Variants in CDK5RAP2 observed in about 807,000 individuals in gnomAD.
CDK5RAP2 encodes the protein CDK5 regulatory subunit-associated protein 2.
A neutral mutation model predicts 232.9 loss-of-function variants in CDK5RAP2; 147 were observed. The observed-to-expected ratio is 0.63, with a 90% CI of 0.55 to 0.72. The LOEUF is 0.72. Among genes scored for constraint, CDK5RAP2 ranks in the 30% least tolerant of loss-of-function variants. The pLI is 0.00. For missense variants in CDK5RAP2, 2,195 were observed against 2,231.5 expected (o/e 0.98, Z 0.33); for synonymous variants, 833 against 833.7 (o/e 1.00, Z 0.01).
intron 25 of CDK5RAP2, among the ~76,000 whole-genome samples, chr9:120,432,727 G>C (rs1362370900): frequency 6.6e-6 from 1 of 152,208 alleles, no homozygotes; most frequent in Non-Finnish European, 1.5e-5. Context: ...CTCTCCTTGG[G>C]TGTGTCAAGG....
rs564619285 is a variant in CDK5RAP2, at chr9:120,407,241, C to T, written c.4734G>A (p.Ser1578=). The change falls in exon 32 of 38, where the codon TCG becomes TCA. Residue 1578 remains serine (S), a synonymous_variant. Coordinates refer to ENST00000349780, the MANE Select transcript of CDK5RAP2 (RefSeq NM_018249.6). ...DEEHRRLREA[S]GEGWKGQDPF... ...GATCCTGCCCCTTCCAGCCTTCTCC[C>T]GACGCCTCTGAGGACATGTGCAAAG... The T allele has an allele frequency of 9.3e-6, 15 of 1,611,554 alleles. No homozygotes were observed. The highest frequency in any genetic ancestry group is 2.2e-5 in the East Asian group (1 of 44,878).
rs534067429 is a variant in CDK5RAP2 at position 120,545,634 on chromosome 9, T to C, written c.383+80A>G. 33 of 1,058,956 alleles carry C rather than the reference T, an allele frequency of 3.1e-5. No individual in the cohort carries two copies. In the South Asian group the frequency reaches 3.8e-4, roughly 12 times the overall value. 65.6% of individuals were successfully genotyped at this position (1,058,956 alleles called of 1,614,324 possible). ...AGAGTCCAGATGGAAACCAACTGTC[T>C]TAGAAAAGTGTACGGCTCTATTTCA... On this transcript the variant is annotated intron_variant, in intron 5 of 37. Transcript: ENST00000349780.
chr9:120,563,020 T>C (rs1156428899), intron 3 of CDK5RAP2, among the ~76,000 whole-genome samples: 1 of 152,078 alleles, frequency 6.6e-6, no homozygotes. Context: ...GCAAGTACAC[T>C]AATAAAGAAA....
intron 25 of CDK5RAP2, among the ~76,000 whole-genome samples, chr9:120,435,373 G>A (rs1048804098): frequency 2.6e-5 from 4 of 152,116 alleles, no homozygotes; most frequent in Non-Finnish European, 5.9e-5. Flanking sequence ...GTAAAAATGT[G>A]GAAGCGGGAA....
chr9:120,525,712 G>A (rs1044478211), intron 10 of CDK5RAP2, among the ~76,000 whole-genome samples: 15 of 151,888 alleles, frequency 9.9e-5, no homozygotes, highest in East Asian at 1.9e-4. Flanking sequence ...AACTCCCCAC[G>A]CTCAAGCAAG....
rs780072634 is a variant in CDK5RAP2 at position 120,467,919 on chromosome 9, A to G, written c.2047T>C (p.Cys683Arg). The G allele has an allele frequency of 6.2e-7, 1 of 1,614,184 alleles. No homozygotes were observed. Among genetic ancestry groups the G allele is most frequent in the Admixed American group, 1.7e-5 (1 of 60,034 alleles). ...AACCCATTTCCCTGGAAACCCATGC[A>G]GGAGAGATCAAAAATGGTTTTCTTC... ...HLKKTIFDLSCMGFQGNGFPD... is the reference protein window; with the variant it reads ...HLKKTIFDLSRMGFQGNGFPD... The change falls in exon 18 of 38, where the codon TGC (cysteine) becomes CGC (arginine). Residue 683 changes from cysteine to arginine, a missense_variant. Cys to Arg is a radical substitution (Grantham distance 180, BLOSUM62 -3). Coordinates refer to ENST00000349780, the MANE Select transcript of CDK5RAP2 (RefSeq NM_018249.6).
At chr9:120,557,160 C>T (rs892671659) in intron 3 of CDK5RAP2, among the ~76,000 whole-genome samples, 2 of 152,158 alleles carry the variant, frequency 1.3e-5, no homozygotes, top group African/African-American at 4.8e-5. Flanking sequence ...CAGACAGTCC[C>T]AAATGAATAA....
chr9:120,389,134 A>T lies in CDK5RAP2; in HGVS notation c.*102T>A, dbSNP rs1245895095. On this transcript the variant is annotated 3_prime_UTR_variant, in exon 38 of 38. Transcript: ENST00000349780. Reference sequence around the variant, plus strand: ...GGGAAAAAATAGATTTCCTTTGGCCAGACAGCTCTTTCTTCCTCAATAAAT... The same window carrying T: ...GGGAAAAAATAGATTTCCTTTGGCCTGACAGCTCTTTCTTCCTCAATAAAT... 4.0e-6 allele frequency: 4 copies of T among 989,778 alleles called. No homozygotes were observed. The highest frequency in any genetic ancestry group is 6.2e-6 in the Non-Finnish European group (4 of 640,410). The allele number at this position is 989,778 out of a possible 1,614,324, so 61.3% of individuals were successfully genotyped here. A position where few individuals can be genotyped will look rare whatever the true frequency, so the allele number is the denominator to read the frequency against.
intron 7 of CDK5RAP2, among the ~76,000 whole-genome samples, chr9:120,534,204 T>C (rs2041286619): frequency 6.6e-6 from 1 of 152,132 alleles, no homozygotes; most frequent in Non-Finnish European, 1.5e-5. Flanking sequence ...TCCTCACCTC[T>C]TCCCCACTCC....
At chr9:120,557,584 C>T (rs2042276939) in intron 3 of CDK5RAP2, among the ~76,000 whole-genome samples, 1 of 151,932 alleles carries the variant, frequency 6.6e-6, no homozygotes, top group Non-Finnish European at 1.5e-5. Flanking sequence ...GGCGAAACCA[C>T]TTCTCTACAA....
intron 3 of CDK5RAP2, among the ~76,000 whole-genome samples, chr9:120,567,266 C>G (rs2042682119): frequency 6.6e-6 from 1 of 152,254 alleles, no homozygotes; most frequent in South Asian, 2.1e-4. Flanking sequence ...CATTAGAGAT[C>G]TGACAAGTCA....
intron 31 of CDK5RAP2, chr9:120,407,511 GA>G (rs1564177779): frequency 1.9e-6 from 1 of 518,074 alleles, no homozygotes; most frequent in East Asian, 3.5e-5. Context: ...ACCAAACCCC[GA>G]AATTATGTCT....
At position 120,539,086 on chromosome 9, in the gene CDK5RAP2, C is replaced by A. The variant is rs778446921; in HGVS notation, c.462G>T (p.Gln154His). The change falls in exon 6 of 38, where the codon CAG becomes CAT. Residue 154 changes from glutamine (Q) to histidine (H), a missense_variant. Coordinates refer to ENST00000349780, the MANE Select transcript of CDK5RAP2 (RefSeq NM_018249.6). ...RVKEDARKKV[Q>H]QVEDLLTKRI... ...TTTTAGTTAGGAGATCTTCCACCTG[C>A]TGCACCTTCTTTCGAGCATCTTCTT... 3 of 1,613,992 alleles carry A rather than the reference C, an allele frequency of 1.9e-6. No homozygotes were observed. Among genetic ancestry groups the A allele is most frequent in the Non-Finnish European group, 8.5e-7 (1 of 1,179,866 alleles).
Position 120,411,478 on chromosome 9 carries a change from TA to T in CDK5RAP2, c.4298-5del. ...GAAGCAAAAATGCTTGTAGAACCTA[TA>T]AAAACACACATAAAAACTGATTTAT... On this transcript the variant is annotated splice_region_variant and splice_polypyrimidine_tract_variant and intron_variant, in intron 28 of 37. Coordinates refer to ENST00000349780, the MANE Select transcript of CDK5RAP2 (RefSeq NM_018249.6). The T allele has an allele frequency of 4.7e-6, 7 of 1,488,054 alleles. No individual in the cohort carries two copies. Among genetic ancestry groups the T allele is most frequent in the Non-Finnish European group, 6.6e-6 (7 of 1,065,810 alleles). 92.2% of individuals were successfully genotyped at this position (1,488,054 alleles called of 1,614,324 possible). A position where few individuals can be genotyped will look rare whatever the true frequency, so the allele number is the denominator to read the frequency against.
intron 4 of CDK5RAP2, among the ~76,000 whole-genome samples, chr9:120,548,224 T>C (rs551600524): frequency 7.9e-5 from 12 of 152,364 alleles, no homozygotes; most frequent in Middle Eastern, 3.4e-3. Context: ...AAGTGTAATT[T>C]TGTGAAAAAT....
chr9:120,482,832 G>A (rs2038398775), intron 14 of CDK5RAP2, among the ~76,000 whole-genome samples: 1 of 152,192 alleles, frequency 6.6e-6, no homozygotes, highest in Non-Finnish European at 1.5e-5. Flanking sequence ...CTGAGTCAAA[G>A]TCTTCCTAGA....
intron 32 of CDK5RAP2, among the ~76,000 whole-genome samples, chr9:120,404,967 G>A (rs917828188): frequency 2.6e-5 from 4 of 152,170 alleles, no homozygotes; most frequent in Non-Finnish European, 5.9e-5. Flanking sequence ...GGAGACCAAG[G>A]GGCAGAGATA....
At chr9:120,486,604 C>A (rs2038618362) in intron 14 of CDK5RAP2, among the ~76,000 whole-genome samples, 1 of 152,070 alleles carries the variant, frequency 6.6e-6, no homozygotes, top group South Asian at 2.1e-4. Context: ...TACAGGAGCC[C>A]AGGTGAGAGG....
At chr9:120,514,927 G>C (rs781513706) in intron 12 of CDK5RAP2, among the ~76,000 whole-genome samples, 6 of 152,074 alleles carry the variant, frequency 3.9e-5, no homozygotes, top group Non-Finnish European at 7.3e-5. Context: ...AACAAATAAT[G>C]TCTAACAACA....
Sources: allele counts gnomAD v4.1 joint callset (sites outside exome capture counted in the v4.1 genomes callset), GRCh38; gene constraint gnomAD v4.1.1; transcripts MANE v1.5; gene names NCBI Gene and HGNC (gene_info 2026-07-23, HGNC 2026-07-21).